The following SORCS3 variants were observed in gnomAD, a reference collection of about 807,000 sequenced individuals.
SORCS3 encodes VPS10 domain-containing receptor SorCS3.
In SORCS3, 57 loss-of-function variants were observed where a neutral mutation model predicts 146.3. The ratio of observed to expected loss-of-function variants is 0.39; its 90% CI spans 0.31 to 0.49. SORCS3 has a LOEUF of 0.49. Ranked by LOEUF, SORCS3 falls within the 20% of genes least tolerant of loss-of-function variation. SORCS3 has a pLI of 0.92. For missense variants in SORCS3, 1,341 were observed against 1,575.5 expected, an observed-to-expected ratio of 0.85 and a Z score of 2.52; for synonymous variants, 653 against 618.5, an observed-to-expected ratio of 1.06 and a Z score of -0.83.
intron 2 of SORCS3, among the ~76,000 whole-genome samples, chr10:104,858,942 A>AAAAAAC (rs1239308996): frequency 3.3e-5 from 5 of 150,720 alleles, no homozygotes; most frequent in African/African-American, 1.2e-4. Flanking sequence ...CATTTATAAA[A>AAAAAAC]AAAAAAAAAA....
chr10:105,178,643 T>TA (rs1223936016), intron 14 of SORCS3, among the ~76,000 whole-genome samples: 1 of 152,096 alleles, frequency 6.6e-6, no homozygotes, highest in Non-Finnish European at 1.5e-5. Context: ...ACTCCACAGT[T>TA]ATTTTGCTTC....
rs146323759 is a variant in SORCS3 at position 104,671,821 on chromosome 10, T to C, written c.627+29867T>C. 9.8e-5 allele frequency among the ~76,000 whole-genome samples: 15 copies of C among 152,294 alleles called. No individual in the cohort carries two copies. In the East Asian group the frequency reaches 2.9e-3, roughly 29 times the overall value. ...ACCATCCTTGTTTTCCAGGAATAAATACCACTTGTCATGGCGTATAATCCT... is the reference window on the plus strand; with the variant it reads ...ACCATCCTTGTTTTCCAGGAATAAACACCACTTGTCATGGCGTATAATCCT... On this transcript the variant is annotated intron_variant, in intron 1 of 26. Transcript: ENST00000369701.
intron 3 of SORCS3, among the ~76,000 whole-genome samples, chr10:104,960,931 T>C (rs2054792181): frequency 6.6e-6 from 1 of 152,182 alleles, no homozygotes; most frequent in African/African-American, 2.4e-5. Context: ...CTGCAGTTCT[T>C]AAATTAGCCA....
chr10:105,189,907 T>C (rs1257765439), intron 14 of SORCS3, among the ~76,000 whole-genome samples: 1 of 152,244 alleles, frequency 6.6e-6, no homozygotes, highest in East Asian at 1.9e-4. Flanking sequence ...ACATAATTCT[T>C]CATGCAGTAG....
intron 3 of SORCS3, among the ~76,000 whole-genome samples, chr10:104,958,767 A>G (rs375889157): frequency 6.7e-4 from 102 of 152,338 alleles, no homozygotes; most frequent in African/African-American, 2.5e-3. Flanking sequence ...ACTGACTCAC[A>G]GTTCCACATG....
intron 20 of SORCS3, among the ~76,000 whole-genome samples, chr10:105,234,864 C>G (rs1205006911): frequency 6.6e-6 from 1 of 152,090 alleles, no homozygotes; most frequent in Non-Finnish European, 1.5e-5. Flanking sequence ...GTATCAGACT[C>G]TGATACTTTC....
intron 5 of SORCS3, among the ~76,000 whole-genome samples, chr10:105,058,812 G>C (rs1005847846): frequency 6.6e-6 from 1 of 152,122 alleles, no homozygotes; most frequent in Non-Finnish European, 1.5e-5. Context: ...GCAGACTCTA[G>C]ATAGAAGGAA....
chr10:104,779,177 A>G (rs2017344930), intron 1 of SORCS3, among the ~76,000 whole-genome samples: 1 of 152,254 alleles, frequency 6.6e-6, no homozygotes, highest in African/African-American at 2.4e-5. Context: ...AGACAGAGCC[A>G]GCCTTGCTGA....
At chr10:104,963,142 C>A (rs1399112040) in intron 3 of SORCS3, among the ~76,000 whole-genome samples, 3 of 152,078 alleles carry the variant, frequency 2.0e-5, no homozygotes, top group Non-Finnish European at 2.9e-5. Flanking sequence ...GTGCATAAAC[C>A]TTTTATTGGG....
intron 5 of SORCS3, among the ~76,000 whole-genome samples, chr10:105,074,589 C>T (rs1269583496): frequency 2.0e-5 from 3 of 152,202 alleles, no homozygotes; most frequent in African/African-American, 7.2e-5. Context: ...CTCTAGCTAT[C>T]GTTACATTAC....
chr10:104,964,085 C>T (rs2054813043), intron 3 of SORCS3, among the ~76,000 whole-genome samples: 1 of 152,058 alleles, frequency 6.6e-6, no homozygotes, highest in Non-Finnish European at 1.5e-5. Flanking sequence ...TGATTTTTTT[C>T]CCCACATCCT....
intron 2 of SORCS3, among the ~76,000 whole-genome samples, chr10:104,855,128 A>G (rs754944670): frequency 6.6e-6 from 1 of 152,218 alleles, no homozygotes; most frequent in Non-Finnish European, 1.5e-5. Context: ...TTTGTCAAAA[A>G]TCAGTTGTAC....
At chr10:104,727,991 T>C (rs181213415) in intron 1 of SORCS3, among the ~76,000 whole-genome samples, 15 of 152,140 alleles carry the variant, frequency 9.9e-5, no homozygotes, top group Admixed American at 8.5e-4. Context: ...GCCAAAAAGG[T>C]TGGGGACCAC....
chr10:105,253,390 G>A (rs1017809807), intron 23 of SORCS3, among the ~76,000 whole-genome samples: 4 of 152,210 alleles, frequency 2.6e-5, no homozygotes, highest in Admixed American at 2.0e-4. Flanking sequence ...GGAGAGGGAT[G>A]TATTGCCTCT....
At chr10:105,145,159 AG>A (rs1243548935) in intron 8 of SORCS3, among the ~76,000 whole-genome samples, 3 of 152,106 alleles carry the variant, frequency 2.0e-5, no homozygotes, top group African/African-American at 7.2e-5. Context: ...TAAGATTGAT[AG>A]GTCATTTTGA....
intron 5 of SORCS3, among the ~76,000 whole-genome samples, chr10:105,072,976 T>G (rs2055567436): frequency 2.0e-5 from 3 of 152,200 alleles, no homozygotes. Flanking sequence ...TGTTATTCCC[T>G]CTTCAGAGAC....
intron 1 of SORCS3, among the ~76,000 whole-genome samples, chr10:104,718,660 A>T (rs937522327): frequency 1.3e-5 from 2 of 152,214 alleles, no homozygotes; most frequent in African/African-American, 2.4e-5. Context: ...AATAGATTGC[A>T]GTAATGGGCC....
chr10:105,092,850 A>T (rs959352203), intron 6 of SORCS3, among the ~76,000 whole-genome samples: 2 of 152,028 alleles, frequency 1.3e-5, no homozygotes, highest in African/African-American at 4.8e-5. Flanking sequence ...TCTACAAAAA[A>T]CCTAAAATTA....
chr10:104,836,564 T>A (rs1191964233), intron 1 of SORCS3, among the ~76,000 whole-genome samples: 1 of 152,174 alleles, frequency 6.6e-6, no homozygotes, highest in Non-Finnish European at 1.5e-5. Flanking sequence ...AAGTCAGCTA[T>A]GTCCCTTATT....
Sources: gnomAD v4.1 joint callset for allele counts (sites outside exome capture counted in the v4.1 genomes callset) on GRCh38, gnomAD v4.1.1 for gene constraint, MANE v1.5 for transcripts, NCBI Gene and HGNC (gene_info 2026-07-23, HGNC 2026-07-21) for gene names.